CORO2A: variants seen among roughly 807,000 people sequenced by gnomAD.
CORO2A encodes coronin-2A.
Under a neutral mutation model 62.4 loss-of-function variants are expected in CORO2A, and 47 were observed. The observed-to-expected ratio is 0.75, with a 90% confidence interval of 0.60 to 0.96. CORO2A has a LOEUF of 0.96. Among genes scored for constraint, CORO2A ranks in the 40% least tolerant of loss-of-function variants. The pLI is 0.00. For missense variants in CORO2A, 610 were observed against 684.1 expected (o/e 0.89, Z 1.21); for synonymous variants, 273 against 268.9 (o/e 1.02, Z -0.15).
At chr9:98,171,468 A>G (rs1169399626) in intron 1 of CORO2A, among the ~76,000 whole-genome samples, 1 of 152,186 alleles carries the variant, frequency 6.6e-6, no homozygotes. Flanking sequence ...GCATGGGCAG[A>G]CCCAGACAGC....
At chr9:98,134,977 A>C in intron 3 of CORO2A, 22 bp from the exon 4 acceptor site, 1 of 1,612,126 alleles carries the variant, frequency 6.2e-7, no homozygotes. Flanking sequence ...GACAGGGCCC[A>C]AGGCAGCATT....
At chr9:98,184,661 G>C (rs750932353) in intron 1 of CORO2A, among the ~76,000 whole-genome samples, 1 of 152,124 alleles carries the variant, frequency 6.6e-6, no homozygotes, top group African/African-American at 2.4e-5. Context: ...TCCTCAGAGT[G>C]GGGCTGTGAT....
At chr9:98,179,770 C>T (rs899632838) in intron 1 of CORO2A, among the ~76,000 whole-genome samples, 9 of 151,742 alleles carry the variant, frequency 5.9e-5, no homozygotes, top group Admixed American at 1.3e-4. Context: ...TTTGGGAGGT[C>T]GAGGCAGGTA....
rs200464089 is a variant in CORO2A at position 98,137,596 on chromosome 9, G to C, written c.294C>G (p.Ile98Met). The change falls in exon 3 of 12, where the codon ATC becomes ATG. Residue 98 changes from isoleucine (I) to methionine (M), a missense_variant. Coordinates refer to ENST00000375077, the MANE Select transcript of CORO2A (RefSeq NM_052820.4). ...VKWNPFDDFE[I>M]ASCSEDATIK... ...CTGTGGCATCTTCAGAACAGGAGGC[G>C]ATCTCAAAATCATCAAAAGGGTTCC... The C allele has an allele frequency of 1.9e-6, 3 of 1,614,108 alleles. No individual in the cohort carries two copies. The highest frequency in any genetic ancestry group is 8.5e-7 in the Non-Finnish European group (1 of 1,179,970).
At chr9:98,163,619 G>A (rs1344270255) in intron 1 of CORO2A, among the ~76,000 whole-genome samples, 1 of 152,182 alleles carries the variant, frequency 6.6e-6, no homozygotes, top group Non-Finnish European at 1.5e-5. Flanking sequence ...GTCATGTTAT[G>A]ATGAGCAGTG....
chr9:98,128,649 G>T lies in CORO2A; in HGVS notation c.1038C>A (p.Thr346=). ...TGGAGATGGGCTCGATGAGGCTTTT[G>T]GTTGTGATCAGCTTGTAGAAGCGGA... The part of the protein sequence containing the change: ...EIFRFYKLIT[T]KSLIEPISMI... The change falls in exon 9 of 12, where the codon ACC becomes ACA. Residue 346 remains threonine (T), a synonymous_variant. Transcript: ENST00000375077. 1 of 1,614,210 alleles carries T rather than the reference G, an allele frequency of 6.2e-7. No homozygotes were observed. The highest frequency in any genetic ancestry group is 8.5e-7 in the Non-Finnish European group (1 of 1,180,038).
rs1192246941 is a variant in CORO2A, at chr9:98,192,593, G to C, written c.-35C>G. 6.6e-6 allele frequency: 1 copy of C among 150,762 alleles called. No homozygotes were observed. Among genetic ancestry groups the C allele is most frequent in the East Asian group, 1.9e-4 (1 of 5,158 alleles). The allele number at this position is 150,762 out of a possible 1,614,324, so 9.3% of individuals were successfully genotyped here. A position where few individuals can be genotyped will look rare whatever the true frequency, so the allele number is the denominator to read the frequency against. On this transcript the variant is annotated 5_prime_UTR_variant, in exon 1 of 12. Transcript: ENST00000375077. Reference sequence around the variant, plus strand: ...TGCCGCGCAGGTGGCGGTGGCGGCGGCGGCGTCCAGCTCCGGCTCCGCGCT... The same window carrying C: ...TGCCGCGCAGGTGGCGGTGGCGGCGCCGGCGTCCAGCTCCGGCTCCGCGCT...
At chr9:98,157,910 T>C (rs1827829468) in intron 1 of CORO2A, among the ~76,000 whole-genome samples, 1 of 152,212 alleles carries the variant, frequency 6.6e-6, no homozygotes, top group South Asian at 2.1e-4. Context: ...TTAAGGCTTT[T>C]CATCCCTTTG....
Position 98,124,793 on chromosome 9 carries a change from A to G in CORO2A, c.1559T>C (p.Met520Thr). The change falls in exon 12 of 12, where the codon ATG becomes ACG. Residue 520 changes from methionine to threonine, a missense_variant. By Grantham distance (81) the Met-to-Thr change is moderately conservative (BLOSUM62 -1). Transcript: ENST00000375077. ...QLELEIKNLRMGSEQL is the reference protein window; with the variant it reads ...QLELEIKNLRTGSEQL ...CTCTGCTCAGAGCTGCTCTGAGCCC[A>G]TCCGCAAGTTTTTGATCTCCAGTTC... The G allele has an allele frequency of 1.2e-6, 2 of 1,612,040 alleles. No individual in the cohort carries two copies. The highest frequency in any genetic ancestry group is 1.1e-5 in the South Asian group (1 of 90,440).
rs117999208 is a variant in CORO2A, at chr9:98,164,343, C to T, written c.1-6683G>A. On this transcript the variant is annotated intron_variant, in intron 1 of 11. Coordinates refer to ENST00000375077, the MANE Select transcript of CORO2A (RefSeq NM_052820.4). ...CAATCCCTGACCCACTATTATCCAT[C>T]ACAGTTTATCTTGATCCTGGCCTTG... 6.5e-3 allele frequency among the ~76,000 whole-genome samples: 993 copies of T among 152,354 alleles called. 3 individuals carry two copies. Among genetic ancestry groups the T allele is most frequent in the South Asian group, 0.019 (93 of 4,830 alleles).
At chr9:98,128,971 T>C (rs935232149) in intron 8 of CORO2A, among the ~76,000 whole-genome samples, 6 of 152,220 alleles carry the variant, frequency 3.9e-5, no homozygotes, top group Admixed American at 3.9e-4. Context: ...CTCACTCTGT[T>C]GCCCAGGCTG....
At chr9:98,184,511 G>A (rs569474492) in intron 1 of CORO2A, among the ~76,000 whole-genome samples, 5 of 152,178 alleles carry the variant, frequency 3.3e-5, no homozygotes, top group South Asian at 2.1e-4. Context: ...TTCTCTTACC[G>A]TGACATGGTG....
intron 2 of CORO2A, among the ~76,000 whole-genome samples, chr9:98,147,523 T>C (rs1471097521): frequency 6.6e-6 from 1 of 152,200 alleles, no homozygotes; most frequent in Non-Finnish European, 1.5e-5. Context: ...CTGAGCTAGA[T>C]TAGAGCCTTG....
chr9:98,130,629 G>A (rs1827391403), intron 7 of CORO2A, among the ~76,000 whole-genome samples: 2 of 152,220 alleles, frequency 1.3e-5, no homozygotes, highest in South Asian at 4.1e-4. Flanking sequence ...TGGTGGGCAG[G>A]GGCCAGGGCT....
At chr9:98,175,242 G>A (rs939942445) in intron 1 of CORO2A, among the ~76,000 whole-genome samples, 4 of 152,036 alleles carry the variant, frequency 2.6e-5, no homozygotes, top group Non-Finnish European at 5.9e-5. Flanking sequence ...GGGCTCGGTA[G>A]GGTGGGGAGG....
At chr9:98,158,378 A>G (rs1827835992) in intron 1 of CORO2A, among the ~76,000 whole-genome samples, 1 of 152,236 alleles carries the variant, frequency 6.6e-6, no homozygotes, top group Admixed American at 6.5e-5. Context: ...CCCTTGGTGC[A>G]TGGCAGATAC....
At chr9:98,176,603 G>T (rs1022295170) in intron 1 of CORO2A, among the ~76,000 whole-genome samples, 2 of 152,122 alleles carry the variant, frequency 1.3e-5, no homozygotes, top group African/African-American at 4.8e-5. Context: ...TCCACTGGGG[G>T]GTGGGGGTTT....
rs1321454590 is a variant in CORO2A, at chr9:98,120,982, A to G, written c.*3792T>C. 6.6e-6 allele frequency: 1 copy of G among 152,228 alleles called. No homozygotes were observed. Among genetic ancestry groups the G allele is most frequent in the East Asian group, 1.9e-4 (1 of 5,198 alleles). The allele number at this position is 152,228 out of a possible 1,614,324, so 9.4% of individuals were successfully genotyped here. A position where few individuals can be genotyped will look rare whatever the true frequency, so the allele number is the denominator to read the frequency against. On this transcript the variant is annotated 3_prime_UTR_variant, in exon 12 of 12. Coordinates refer to ENST00000375077, the MANE Select transcript of CORO2A (RefSeq NM_052820.4). ...CAAGAAAAGGAAAGCTCCTTGTAGT[A>G]AAATGGCCAGATGTTTATTATTTTG...
chr9:98,133,150 TG>T lies in CORO2A; in HGVS notation c.535del (p.His179ThrfsTer4), dbSNP rs771224646. 1 of 1,614,230 alleles carries T rather than the reference TG, an allele frequency of 6.2e-7. No homozygotes were observed. ...GGACATGGAGAGGATCACATCTTGG[TG>T]ACAGCTAATCGTACTCATGGGGCTT... ...ITSPMSTISC[H>X]QDVILSMSFN... On this transcript the variant is annotated frameshift_variant, in exon 5 of 12. Transcript: ENST00000375077. LOFTEE classifies it high-confidence loss of function.
Sources: gnomAD v4.1 joint callset for allele counts (sites outside exome capture counted in the v4.1 genomes callset) on GRCh38, gnomAD v4.1.1 for gene constraint, MANE v1.5 for transcripts, NCBI Gene and HGNC (gene_info 2026-07-23, HGNC 2026-07-21) for gene names.